EYA2: variants seen among roughly 807,000 people sequenced by gnomAD.
The protein encoded by EYA2 is protein phosphatase EYA2.
A neutral mutation model predicts 69.2 loss-of-function variants in EYA2; 31 were observed. The observed-to-expected ratio is 0.45, with a 90% confidence interval of 0.34 to 0.60. The LOEUF is 0.60. EYA2 is among the 20% of genes least tolerant of loss of function. The probability of loss-of-function intolerance (pLI) is 0.02; values close to 1 mark genes in which losing one functional copy is unlikely to be tolerated. For missense variants in EYA2, 622 were observed against 701.2 expected, an observed-to-expected ratio of 0.89 and a Z score of 1.28; for synonymous variants, 257 against 279.4, an observed-to-expected ratio of 0.92 and a Z score of 0.80.
chr20:46,918,991 G>A (rs62201198), intron 1 of EYA2, among the ~76,000 whole-genome samples: 17,741 of 152,306 alleles, frequency 0.12, 1,265 homozygotes, highest in Non-Finnish European at 0.16. Flanking sequence ...TGACCACGTG[G>A]ACTGTTGTGA....
chr20:46,942,991 C>T (rs1986218580), intron 1 of EYA2, among the ~76,000 whole-genome samples: 1 of 152,320 alleles, frequency 6.6e-6, no homozygotes, highest in South Asian at 2.1e-4. Flanking sequence ...CTCTCAAACT[C>T]CTGACCTCAA....
chr20:46,902,614 T>G (rs985358652), intron 1 of EYA2, among the ~76,000 whole-genome samples: 1 of 152,212 alleles, frequency 6.6e-6, no homozygotes, highest in Non-Finnish European at 1.5e-5. Flanking sequence ...GAGAGCTAGA[T>G]TTTAAAGTCC....
chr20:46,929,122 G>T (rs1365698324), intron 1 of EYA2, among the ~76,000 whole-genome samples: 1 of 133,736 alleles, frequency 7.5e-6, no homozygotes, highest in Non-Finnish European at 1.5e-5. Context: ...GAGCCCTGGA[G>T]ACGTGCTTTG....
rs146032925 is a variant in EYA2, at chr20:47,089,612, T to C, written c.804+231T>C. ...GAATCACCTGGGGGGTGGGGGATGG[T>C]GCTTTTGAAATCAGGGATTGCTGGG... is the stretch of plus-strand genomic sequence containing the variant. On this transcript the variant is annotated intron_variant, in intron 8 of 15. Coordinates refer to ENST00000327619, the MANE Select transcript of EYA2 (RefSeq NM_005244.5). 1.2e-4 allele frequency among the ~76,000 whole-genome samples: 18 copies of C among 152,316 alleles called. No homozygotes were observed. The East Asian group carries it at 3.1e-3, about 26-fold the overall frequency.
intron 4 of EYA2, among the ~76,000 whole-genome samples, chr20:47,014,628 A>ATTGTG (rs1555812542): frequency 1.4e-5 from 2 of 144,614 alleles, no homozygotes; most frequent in African/African-American, 5.1e-5. Context: ...TGTGCACAAA[A>ATTGTG]TGTGTGTGTG....
At chr20:47,184,918 G>A (rs556937708) in intron 15 of EYA2, among the ~76,000 whole-genome samples, 14 of 152,230 alleles carry the variant, frequency 9.2e-5, no homozygotes, top group Non-Finnish European at 1.6e-4. Context: ...AGAAGACTAG[G>A]TACACACCCA....
At chr20:47,022,016 A>G (rs1346426547) in intron 5 of EYA2, among the ~76,000 whole-genome samples, 4 of 152,240 alleles carry the variant, frequency 2.6e-5, no homozygotes, top group Non-Finnish European at 5.9e-5. Flanking sequence ...GGTCATGGTC[A>G]TACATACCAA....
intron 15 of EYA2, among the ~76,000 whole-genome samples, chr20:47,184,590 G>T (rs2034600561): frequency 1.9e-5 from 2 of 102,726 alleles, no homozygotes; most frequent in African/African-American, 1.3e-4. Flanking sequence ...TTAATTTTTT[G>T]TATTTTTTTT....
chr20:46,976,389 G>GGTTTTGTTTATGTGTTTATTT (rs3092080), intron 1 of EYA2, among the ~76,000 whole-genome samples: 5 of 151,254 alleles, frequency 3.3e-5, no homozygotes, highest in African/African-American at 1.2e-4. Context: ...AGAGTTTTTG[G>GGTTTTGTTTATGTGTTTATTT]GTTTTGTTTT....
At chr20:46,995,343 CAAAG>C (rs2146336269) in intron 2 of EYA2, among the ~76,000 whole-genome samples, 1 of 152,304 alleles carries the variant, frequency 6.6e-6, no homozygotes, top group Admixed American at 6.5e-5. Context: ...CGATTTCAAT[CAAAG>C]AGGGAGTATT....
intron 1 of EYA2, among the ~76,000 whole-genome samples, chr20:46,922,370 A>G (rs1291652179): frequency 1.3e-5 from 2 of 152,214 alleles, no homozygotes; most frequent in African/African-American, 4.8e-5. Flanking sequence ...GGGAAAGGAA[A>G]TGGGGAAAAG....
At chr20:47,004,852 C>T in intron 3 of EYA2, 90 bp from the exon 4 acceptor site, 1 of 1,577,104 alleles carries the variant, frequency 6.3e-7, no homozygotes, top group Non-Finnish European at 8.7e-7. Flanking sequence ...GAGTAGAACC[C>T]CAAAGAAAAA....
At chr20:47,104,144 G>T (rs1465697709) in intron 9 of EYA2, among the ~76,000 whole-genome samples, 2 of 152,184 alleles carry the variant, frequency 1.3e-5, no homozygotes, top group African/African-American at 4.8e-5. Flanking sequence ...TAAGTATGAA[G>T]TGGTATCTCA....
chr20:47,173,652 G>A lies in EYA2; in HGVS notation c.1198+785G>A, dbSNP rs76089560. 0.018 allele frequency among the ~76,000 whole-genome samples: 2,750 copies of A among 151,946 alleles called. 121 individuals carry two copies. The East Asian group carries it at 0.18, about 10-fold the overall frequency. ...CCAGGCTGGTCTCAAACTACTTCTG[G>A]CCTCAAGTGATCTTCCCACCTCAGC... On this transcript the variant is annotated intron_variant, in intron 12 of 15. Transcript: ENST00000327619.
chr20:47,062,463 T>C (rs959748238), intron 5 of EYA2, among the ~76,000 whole-genome samples: 5 of 152,116 alleles, frequency 3.3e-5, no homozygotes, highest in Admixed American at 6.5e-5. Context: ...TCTCCAGTTA[T>C]TGGGGAAACA....
intron 10 of EYA2, among the ~76,000 whole-genome samples, chr20:47,166,393 TAAAAAAAAAAAAA>T (rs370944686): frequency 1.0e-3 from 35 of 34,514 alleles, no homozygotes; most frequent in East Asian, 6.1e-3. Flanking sequence ...CAAGACTGTC[TAAAAAAAAAAAAA>T]AAAAAAAAAA....
chr20:47,116,134 G>A (rs1359735556), intron 9 of EYA2, among the ~76,000 whole-genome samples: 1 of 148,588 alleles, frequency 6.7e-6, no homozygotes, highest in African/African-American at 2.5e-5. Flanking sequence ...ATTTCTGGGT[G>A]TGATTATTTG....
intron 5 of EYA2, among the ~76,000 whole-genome samples, chr20:47,071,158 C>T (rs1187442895): frequency 1.3e-5 from 2 of 152,100 alleles, no homozygotes; most frequent in African/African-American, 4.8e-5. Flanking sequence ...TACAGGCACA[C>T]ACCACCACGC....
chr20:46,967,624 G>A (rs368276898), intron 1 of EYA2, among the ~76,000 whole-genome samples: 1 of 152,154 alleles, frequency 6.6e-6, no homozygotes, highest in African/African-American at 2.4e-5. Context: ...AAGGTGCCAA[G>A]GAGCTTGCTG....
Sources: gnomAD v4.1 joint callset for allele counts (sites outside exome capture counted in the v4.1 genomes callset) on GRCh38, gnomAD v4.1.1 for gene constraint, MANE v1.5 for transcripts, NCBI Gene and HGNC (gene_info 2026-07-23, HGNC 2026-07-21) for gene names.